The following KATNAL1 variants were observed in gnomAD, a reference collection of about 807,000 sequenced individuals.
KATNAL1 encodes katanin p60 ATPase-containing subunit A-like 1.
KATNAL1 carries 32 observed loss-of-function variants against 55.2 expected under a neutral mutation model. The observed-to-expected ratio is 0.58, with a 90% CI of 0.44 to 0.78. KATNAL1 has a LOEUF of 0.78. Ranked by LOEUF, KATNAL1 falls within the 30% of genes least tolerant of loss-of-function variation. The pLI, the probability that KATNAL1 is intolerant of heterozygous loss-of-function variation, is 0.00. For missense variants in KATNAL1, 466 were observed against 600.9 expected (o/e 0.78, Z 2.35); for synonymous variants, 193 against 193.6 (o/e 1.00, Z 0.02).
At chr13:30,249,465 A>C (rs1215396360) in intron 4 of KATNAL1, among the ~76,000 whole-genome samples, 2 of 152,220 alleles carry the variant, frequency 1.3e-5, no homozygotes, top group Non-Finnish European at 2.9e-5. Context: ...CCAAAGCAGC[A>C]TTACTCACAA....
chr13:30,232,849 A>G (rs1025788752), intron 6 of KATNAL1, among the ~76,000 whole-genome samples: 3 of 152,202 alleles, frequency 2.0e-5, no homozygotes, highest in African/African-American at 7.2e-5. Context: ...TCCCTTAAGG[A>G]AAGAACAGTC....
At chr13:30,266,897 TG>T (rs35338617) in intron 3 of KATNAL1, among the ~76,000 whole-genome samples, 1 of 152,184 alleles carries the variant, frequency 6.6e-6, no homozygotes, top group African/African-American at 2.4e-5. Flanking sequence ...TTTAATATGT[TG>T]GGGGTTGGAT....
At chr13:30,217,966 C>T (rs1020919744) in intron 9 of KATNAL1, among the ~76,000 whole-genome samples, 2 of 151,818 alleles carry the variant, frequency 1.3e-5, no homozygotes, top group Admixed American at 6.6e-5. Context: ...CAGGCCAGGG[C>T]GAGAAGACTG....
At chr13:30,306,001 T>A (rs552879551) in intron 1 of KATNAL1, among the ~76,000 whole-genome samples, 1 of 152,352 alleles carries the variant, frequency 6.6e-6, no homozygotes, top group South Asian at 2.1e-4. Context: ...TTTACACAGG[T>A]CAACTTCATT....
chr13:30,242,660 G>A (rs375891079), intron 4 of KATNAL1, among the ~76,000 whole-genome samples: 2 of 152,168 alleles, frequency 1.3e-5, no homozygotes, highest in Middle Eastern at 3.4e-3. Context: ...TATAGAGGAC[G>A]GGGTAGAGGA....
Position 30,240,538 on chromosome 13 carries a change from A to AG in KATNAL1, c.647dup (p.Lys217Ter). On this transcript the variant is annotated frameshift_variant, in exon 6 of 11. Transcript: ENST00000380615. LOFTEE classifies it high-confidence loss of function. Reference sequence around the variant, plus strand: ...CAACAGCTTCCCTTAGCAACTTCTTAGCTTCTTCCAGATCTGCTATGTCAT... The same window carrying AG: ...CAACAGCTTCCCTTAGCAACTTCTTAGGCTTCTTCCAGATCTGCTATGTCAT... 1 of 1,613,574 alleles carries AG rather than the reference A, an allele frequency of 6.2e-7. No individual in the cohort carries two copies.
intron 6 of KATNAL1, among the ~76,000 whole-genome samples, chr13:30,238,591 C>T (rs1483887982): frequency 2.0e-5 from 3 of 152,346 alleles, no homozygotes. Context: ...CCTCACAACC[C>T]TACAAATTGT....
At chr13:30,242,861 T>C (rs770794563) in intron 4 of KATNAL1, among the ~76,000 whole-genome samples, 4 of 152,016 alleles carry the variant, frequency 2.6e-5, no homozygotes, top group African/African-American at 4.8e-5. Flanking sequence ...AAAACAGACA[T>C]AGGAAAACTA....
chr13:30,208,782 T>G (rs1294035032), intron 10 of KATNAL1, 44 bp from the exon 11 acceptor site: 1 of 1,281,596 alleles, frequency 7.8e-7, no homozygotes, highest in South Asian at 1.4e-5. Context: ...TTTGCACATG[T>G]TTTAAACACT....
At chr13:30,224,152 C>T (rs1875201842) in intron 9 of KATNAL1, among the ~76,000 whole-genome samples, 1 of 151,890 alleles carries the variant, frequency 6.6e-6, no homozygotes, top group African/African-American at 2.4e-5. Context: ...ACAGTTCTAA[C>T]TTAATAGTAG....
intron 2 of KATNAL1, among the ~76,000 whole-genome samples, chr13:30,282,640 TA>T (rs1193595169): frequency 3.2e-3 from 419 of 129,868 alleles, no homozygotes; most frequent in Admixed American, 4.0e-3. Flanking sequence ...CCTGTCTCTT[TA>T]AAAAAAAAAA....
chr13:30,275,475 C>T (rs1033738000), intron 3 of KATNAL1, among the ~76,000 whole-genome samples: 1 of 152,120 alleles, frequency 6.6e-6, no homozygotes, highest in African/African-American at 2.4e-5. Flanking sequence ...GGACAAACAT[C>T]AAAACCATAT....
chr13:30,222,687 A>C (rs1323527707), intron 9 of KATNAL1, among the ~76,000 whole-genome samples: 3 of 152,224 alleles, frequency 2.0e-5, no homozygotes, highest in African/African-American at 7.2e-5. Flanking sequence ...GCCCAAAAGA[A>C]ATTAGCAAGG....
At chr13:30,292,519 C>G (rs1882200450) in intron 1 of KATNAL1, among the ~76,000 whole-genome samples, 1 of 152,140 alleles carries the variant, frequency 6.6e-6, no homozygotes, top group South Asian at 2.1e-4. Flanking sequence ...TGCTTCCCTA[C>G]CCCTTGTTCC....
At chr13:30,278,095 A>G (rs1281944571) in intron 3 of KATNAL1, among the ~76,000 whole-genome samples, 1 of 152,018 alleles carries the variant, frequency 6.6e-6, no homozygotes, top group Non-Finnish European at 1.5e-5. Flanking sequence ...TTATTCATAA[A>G]GTTTTAAACT....
intron 3 of KATNAL1, among the ~76,000 whole-genome samples, chr13:30,272,721 A>C (rs1183481381): frequency 6.6e-6 from 1 of 152,224 alleles, no homozygotes; most frequent in Non-Finnish European, 1.5e-5. Context: ...ATGGAAACTT[A>C]AGAGTGACCA....
chr13:30,260,542 A>C (rs1879189954), intron 3 of KATNAL1, among the ~76,000 whole-genome samples: 1 of 152,214 alleles, frequency 6.6e-6, no homozygotes, highest in Non-Finnish European at 1.5e-5. Flanking sequence ...GATGGAGCTG[A>C]AAACCAAGGC....
At chr13:30,292,632 C>CT (rs1792845482) in intron 1 of KATNAL1, among the ~76,000 whole-genome samples, 2 of 152,130 alleles carry the variant, frequency 1.3e-5, no homozygotes. Flanking sequence ...AACTTGGTAC[C>CT]TCCCTTCATC....
chr13:30,236,676 C>T (rs982386401), intron 6 of KATNAL1, among the ~76,000 whole-genome samples: 2 of 152,190 alleles, frequency 1.3e-5, no homozygotes, highest in Non-Finnish European at 2.9e-5. Context: ...AATCACCCTT[C>T]TACTAAAAAC....
Sources: gnomAD v4.1 joint callset for allele counts (sites outside exome capture counted in the v4.1 genomes callset) on GRCh38, gnomAD v4.1.1 for gene constraint, MANE v1.5 for transcripts, NCBI Gene and HGNC (gene_info 2026-07-23, HGNC 2026-07-21) for gene names.